Variants in RAB8B observed in about 807,000 individuals in gnomAD.
The protein encoded by RAB8B is RAB8B, member RAS oncogene family.
A neutral mutation model predicts 32.0 loss-of-function variants in RAB8B; 11 were observed. That is an observed-to-expected ratio of 0.34 (90% CI 0.22 to 0.57). RAB8B has a LOEUF of 0.57. Among genes scored for constraint, RAB8B ranks in the 20% least tolerant of loss-of-function variants. The pLI, the probability that RAB8B is intolerant of heterozygous loss-of-function variation, is 0.86. For synonymous variants in RAB8B, 103 were observed against 89.6 expected (o/e 1.15, Z -0.85); for missense variants, 190 against 258.5 (o/e 0.73, Z 1.82).
chr15:63,243,991 A>G (rs956500710), intron 1 of RAB8B, among the ~76,000 whole-genome samples: 8 of 152,144 alleles, frequency 5.3e-5, no homozygotes, highest in African/African-American at 1.7e-4. Flanking sequence ...CAAGATAACT[A>G]ACTCACTCCT....
chr15:63,243,412 C>T (rs923844077), intron 1 of RAB8B, among the ~76,000 whole-genome samples: 6 of 152,224 alleles, frequency 3.9e-5, no homozygotes, highest in Non-Finnish European at 8.8e-5. Context: ...AACTGGTCTC[C>T]TCAGAAAGCT....
At chr15:63,252,674 T>C (rs1484959422) in intron 3 of RAB8B, among the ~76,000 whole-genome samples, 1 of 152,240 alleles carries the variant, frequency 6.6e-6, no homozygotes, top group African/African-American at 2.4e-5. Context: ...TGAATTGTTT[T>C]TATTGTGGTA....
chr15:63,252,703 A>C (rs1034491140), intron 3 of RAB8B, among the ~76,000 whole-genome samples: 1 of 151,054 alleles, frequency 6.6e-6, no homozygotes, highest in Non-Finnish European at 1.5e-5. Flanking sequence ...ATAATAGAAC[A>C]TTTATCATTT....
Position 63,259,837 on chromosome 15 carries a change from C to T in RAB8B, c.480+145C>T. The T allele has an allele frequency of 4.3e-6, 3 of 695,094 alleles. No individual in the cohort carries two copies. Among genetic ancestry groups the T allele is most frequent in the Non-Finnish European group, 2.4e-6 (1 of 425,454 alleles). The allele number at this position is 695,094 out of a possible 1,614,324, so 43.1% of individuals were successfully genotyped here. Reference sequence around the variant, plus strand: ...CTCTACTTTGTACACTTTTGTGCTTCTGATTTTTTTTTTTTTGAGATGGAG... The same window carrying T: ...CTCTACTTTGTACACTTTTGTGCTTTTGATTTTTTTTTTTTTGAGATGGAG... On this transcript the variant is annotated intron_variant, in intron 6 of 7. Transcript: ENST00000321437. This position sits in a 1 kb window ranked among gnomAD's most constrained non-coding sequence, Gnocchi z 4.4.
chr15:63,197,370 CTTTT>C (rs58765418), intron 1 of RAB8B, among the ~76,000 whole-genome samples: 2 of 61,410 alleles, frequency 3.3e-5, no homozygotes, highest in Non-Finnish European at 5.8e-5. Flanking sequence ...TCTTTCTTTT[CTTTT>C]TTTTTTTTTT....
In RAB8B at chr15:63,259,172, T is replaced by A. The variant is rs1003122559; in HGVS notation, c.415-455T>A. Among the ~76,000 whole-genome samples, 1 of 152,166 alleles carries A rather than the reference T, an allele frequency of 6.6e-6. No homozygotes were observed. The highest frequency in any genetic ancestry group is 2.4e-5 in the African/African-American group (1 of 41,436). On this transcript the variant is annotated intron_variant, in intron 5 of 7. Transcript: ENST00000321437. The surrounding 1 kb of genome is among the most constrained non-coding windows in gnomAD (Gnocchi z 4.4). ...TCTCGCTCTGTCACCTGGACTGGAGTGCAGTGGTGCGATCTCGGCTTACTC... is the reference window on the plus strand; with the variant it reads ...TCTCGCTCTGTCACCTGGACTGGAGAGCAGTGGTGCGATCTCGGCTTACTC...
At chr15:63,240,082 ACT>A (rs1361916970) in intron 1 of RAB8B, among the ~76,000 whole-genome samples, 2 of 151,708 alleles carry the variant, frequency 1.3e-5, no homozygotes, top group African/African-American at 4.8e-5. Context: ...ATTTGGAGAA[ACT>A]CTGAGGTTTG....
In RAB8B at chr15:63,259,158, C is replaced by A. The variant is rs1020394511; in HGVS notation, c.415-469C>A. ...ATTTTGAGACAGAGTCTCGCTCTGT[C>A]ACCTGGACTGGAGTGCAGTGGTGCG... is the stretch of plus-strand genomic sequence containing the variant. On this transcript the variant is annotated intron_variant, in intron 5 of 7. Coordinates refer to ENST00000321437, the MANE Select transcript of RAB8B (RefSeq NM_016530.3). This position sits in a 1 kb window ranked among gnomAD's most constrained non-coding sequence, Gnocchi z 4.4. Among the ~76,000 whole-genome samples, 1 of 152,128 alleles carries A rather than the reference C, an allele frequency of 6.6e-6. No individual in the cohort carries two copies. The highest frequency in any genetic ancestry group is 1.5e-5 in the Non-Finnish European group (1 of 68,024).
Position 63,265,685 on chromosome 15 carries a change from TATAATC to T in RAB8B, c.*2067_*2072del, listed in dbSNP as rs1204777502. The T allele has an allele frequency of 6.6e-6, 1 of 152,612 alleles. No homozygotes were observed. Among genetic ancestry groups the T allele is most frequent in the Non-Finnish European group, 1.5e-5 (1 of 67,990 alleles). The allele number at this position is 152,612 out of a possible 1,614,324, so 9.5% of individuals were successfully genotyped here. A position where few individuals can be genotyped will look rare whatever the true frequency, so the allele number is the denominator to read the frequency against. On this transcript the variant is annotated 3_prime_UTR_variant, in exon 8 of 8. Coordinates refer to ENST00000321437, the MANE Select transcript of RAB8B (RefSeq NM_016530.3). This position sits in a 1 kb window ranked among gnomAD's most constrained non-coding sequence, Gnocchi z 4.9. ...TTTGGTGTCTTAACGCTTTGGTTTA[TATAATC>T]TCAGGGGTTGTCTGCAAACCAAAAC...
intron 1 of RAB8B, among the ~76,000 whole-genome samples, chr15:63,211,502 C>T (rs376428990): frequency 1.3e-5 from 2 of 152,150 alleles, no homozygotes; most frequent in African/African-American, 2.4e-5. Flanking sequence ...AGAATGTTTA[C>T]GCAAGACTTT....
At position 63,248,242 on chromosome 15, in the gene RAB8B, A is replaced by T. The variant is rs2038086886; in HGVS notation, c.186-1403A>T. Among the ~76,000 whole-genome samples, 1 of 152,238 alleles carries T rather than the reference A, an allele frequency of 6.6e-6. No homozygotes were observed. The highest frequency in any genetic ancestry group is 2.4e-5 in the African/African-American group (1 of 41,464). On this transcript the variant is annotated intron_variant, in intron 2 of 7. Coordinates refer to ENST00000321437, the MANE Select transcript of RAB8B (RefSeq NM_016530.3). This position sits in a 1 kb window ranked among gnomAD's most constrained non-coding sequence, Gnocchi z 4.4. ...CAAGAGTATGAGCTGGGCCGGGTGC[A>T]GTGGCTCACGCCTGTAATGCCAGCA...
At chr15:63,243,852 G>A (rs886594405) in intron 1 of RAB8B, among the ~76,000 whole-genome samples, 5 of 152,294 alleles carry the variant, frequency 3.3e-5, no homozygotes, top group African/African-American at 1.2e-4. Flanking sequence ...AACTCCAAGG[G>A]TATGGCATCA....
At chr15:63,255,262 G>T (rs1346723527) in intron 3 of RAB8B, among the ~76,000 whole-genome samples, 1 of 152,100 alleles carries the variant, frequency 6.6e-6, no homozygotes, top group Non-Finnish European at 1.5e-5. Context: ...CCTTTACCAC[G>T]ATCACTAATT....
chr15:63,253,826 T>G (rs1317895115), intron 3 of RAB8B, among the ~76,000 whole-genome samples: 1 of 152,194 alleles, frequency 6.6e-6, no homozygotes, highest in Non-Finnish European at 1.5e-5. Flanking sequence ...AGTGACTGAT[T>G]GGCTATAGAG....
In RAB8B at chr15:63,264,935, T is replaced by C. The variant is rs1407486965; in HGVS notation, c.*1316T>C. The C allele has an allele frequency of 6.6e-6, 1 of 152,670 alleles. No individual in the cohort carries two copies. The highest frequency in any genetic ancestry group is 1.5e-5 in the Non-Finnish European group (1 of 68,046). 9.5% of individuals were successfully genotyped at this position (152,670 alleles called of 1,614,324 possible). A position where few individuals can be genotyped will look rare whatever the true frequency, so the allele number is the denominator to read the frequency against. ...GGGCTAAAGCCAACCAAAAGCTTAG[T>C]TGCCTTTCTCAACAAACACTGGTAC... is the stretch of plus-strand genomic sequence containing the variant. On this transcript the variant is annotated 3_prime_UTR_variant, in exon 8 of 8. Coordinates refer to ENST00000321437, the MANE Select transcript of RAB8B (RefSeq NM_016530.3).
chr15:63,224,267 T>C (rs1218503739), intron 1 of RAB8B, among the ~76,000 whole-genome samples: 1 of 152,200 alleles, frequency 6.6e-6, no homozygotes, highest in African/African-American at 2.4e-5. Flanking sequence ...ATAGAAAATA[T>C]TCATCCCATG....
intron 6 of RAB8B, among the ~76,000 whole-genome samples, chr15:63,261,754 T>C (rs1243532670): frequency 6.6e-6 from 1 of 152,262 alleles, no homozygotes; most frequent in East Asian, 1.9e-4. Flanking sequence ...ATCCTTTTCC[T>C]GAACAGTTTT....
At chr15:63,255,456 ATAACTT>A (rs1346333537) in intron 3 of RAB8B, 45 bp from the exon 4 acceptor site, 4 of 1,270,192 alleles carry the variant, frequency 3.1e-6, no homozygotes, top group East Asian at 5.1e-5. Flanking sequence ...ATTATATACT[ATAACTT>A]TAAATATATA....
intron 1 of RAB8B, among the ~76,000 whole-genome samples, chr15:63,208,090 A>G (rs2037714227): frequency 1.3e-5 from 2 of 152,164 alleles, no homozygotes. Flanking sequence ...TTAATCCCTT[A>G]TCCCTCCCTT....
Sources: gnomAD v4.1 joint callset for allele counts (sites outside exome capture counted in the v4.1 genomes callset) on GRCh38, gnomAD v4.1.1 for gene constraint, Gnocchi (gnomAD v3.1) non-coding constraint, MANE v1.5 for transcripts, NCBI Gene and HGNC (gene_info 2026-07-23, HGNC 2026-07-21) for gene names.